The following ITSN1 variants were observed in gnomAD, a reference collection of about 807,000 sequenced individuals.
The protein encoded by ITSN1 is intersectin-1.
Under a neutral mutation model 239.8 loss-of-function variants are expected in ITSN1, and 58 were observed. The ratio of observed to expected loss-of-function variants is 0.24; its 90% CI spans 0.20 to 0.30. The LOEUF (loss-of-function observed/expected upper bound fraction) is 0.30, where lower values mean the gene tolerates loss of function less well. ITSN1 is among the 10% of genes least tolerant of loss of function. The pLI, the probability that ITSN1 is intolerant of heterozygous loss-of-function variation, is 1.00. For synonymous variants in ITSN1, 780 were observed against 770.8 expected, an observed-to-expected ratio of 1.01 and a Z score of -0.20; for missense variants, 1,558 against 2,103.3, an observed-to-expected ratio of 0.74 and a Z score of 5.07.
intron 5 of ITSN1, among the ~76,000 whole-genome samples, chr21:33,742,139 C>T (rs1465430794): frequency 6.6e-6 from 1 of 151,390 alleles, no homozygotes. Flanking sequence ...TCACTGCAAC[C>T]TCCGCTTCCT....
At chr21:33,684,998 G>A (rs1243928233) in intron 1 of ITSN1, among the ~76,000 whole-genome samples, 6 of 152,270 alleles carry the variant, frequency 3.9e-5, no homozygotes, top group African/African-American at 1.2e-4. Flanking sequence ...AGAAAGGAGA[G>A]TAGTATCATT....
chr21:33,862,616 C>T (rs767775130), intron 31 of ITSN1, among the ~76,000 whole-genome samples: 12 of 152,060 alleles, frequency 7.9e-5, no homozygotes, highest in Admixed American at 5.2e-4. Context: ...AGGGCAGCCG[C>T]GTCTGGGAAG....
chr21:33,710,132 G>A (rs900153591), intron 1 of ITSN1, among the ~76,000 whole-genome samples: 3 of 148,146 alleles, frequency 2.0e-5, no homozygotes, highest in Non-Finnish European at 4.4e-5. Flanking sequence ...GGGCTGGAGT[G>A]CAGTGGCATG....
Position 33,795,347 on chromosome 21 carries a change from G to A in ITSN1, c.1952+879G>A, listed in dbSNP as rs533262067. On this transcript the variant is annotated intron_variant, in intron 17 of 39. Coordinates refer to ENST00000381318, the MANE Select transcript of ITSN1 (RefSeq NM_003024.3). ...GCCTGTAGTCCCAGCTACTTGGGAG[G>A]CTGAGGCAGGAGGATCACTTGAACC... 1.2e-4 allele frequency among the ~76,000 whole-genome samples: 18 copies of A among 152,292 alleles called. No individual in the cohort carries two copies. The South Asian group carries it at 3.7e-3, about 32-fold the overall frequency.
intron 20 of ITSN1, among the ~76,000 whole-genome samples, chr21:33,807,430 C>T (rs747090883): frequency 1.3e-5 from 2 of 152,176 alleles, no homozygotes; most frequent in Non-Finnish European, 1.5e-5. Context: ...CTCCGCCTCC[C>T]GGGTTCAAGC....
At chr21:33,811,276 T>C in intron 21 of ITSN1, 54 bp downstream of exon 21, 2 of 1,499,642 alleles carry the variant, frequency 1.3e-6, no homozygotes, top group East Asian at 2.3e-5. Flanking sequence ...TTTGATCATT[T>C]CCCCCCCACC....
chr21:33,757,106 T>A lies in ITSN1; in HGVS notation c.724+1709T>A, dbSNP rs546808650. ...TAATAGCATATTTTTAAGTACTGTTTTACATGGTTTGTTTGACACCAGTGC... is the reference window on the plus strand; with the variant it reads ...TAATAGCATATTTTTAAGTACTGTTATACATGGTTTGTTTGACACCAGTGC... On this transcript the variant is annotated intron_variant, in intron 8 of 39. Coordinates refer to ENST00000381318, the MANE Select transcript of ITSN1 (RefSeq NM_003024.3). 3 of 152,336 alleles carry A rather than the reference T, an allele frequency of 2.0e-5. No homozygotes were observed. In the South Asian group the frequency reaches 6.2e-4, roughly 32 times the overall value. The allele number at this position is 152,336 out of a possible 1,614,324, so 9.4% of individuals were successfully genotyped here. A position where few individuals can be genotyped will look rare whatever the true frequency, so the allele number is the denominator to read the frequency against.
At chr21:33,867,186 T>C (rs1434765201) in intron 32 of ITSN1, 47 bp from the exon 33 acceptor site, 13 of 1,104,562 alleles carry the variant, frequency 1.2e-5, no homozygotes, top group Non-Finnish European at 1.8e-5. Flanking sequence ...TCACTAACTT[T>C]GGATTTTGCA....
At chr21:33,802,575 G>C (rs879190385) in intron 20 of ITSN1, 131 bp downstream of exon 20, 1 of 830,858 alleles carries the variant, frequency 1.2e-6, no homozygotes, top group African/African-American at 1.7e-5. Flanking sequence ...TTGAGTCTGT[G>C]TAGTAGGTTG....
In ITSN1 at chr21:33,889,600, G is replaced by A. The variant is rs978349040; in HGVS notation, c.*1300G>A. On this transcript the variant is annotated 3_prime_UTR_variant, in exon 40 of 40. Transcript: ENST00000381318. ...CTTGATTTGCTAATGAAAAGTGGGG[G>A]CCGTGTTTTGTTTGCATGTTAATAT... 1 of 152,128 alleles carries A rather than the reference G, an allele frequency of 6.6e-6. No individual in the cohort carries two copies. Among genetic ancestry groups the A allele is most frequent in the Non-Finnish European group, 1.5e-5 (1 of 68,022 alleles). The allele number at this position is 152,128 out of a possible 1,614,324, so 9.4% of individuals were successfully genotyped here.
At chr21:33,763,507 C>T (rs535436458) in intron 9 of ITSN1, among the ~76,000 whole-genome samples, 34 of 152,268 alleles carry the variant, frequency 2.2e-4, no homozygotes, top group Admixed American at 1.0e-3. Context: ...ATGCTAGATG[C>T]CAGTAGCATG....
intron 1 of ITSN1, among the ~76,000 whole-genome samples, chr21:33,688,408 A>C (rs1364779020): frequency 2.0e-5 from 3 of 152,218 alleles, no homozygotes; most frequent in African/African-American, 7.2e-5. Flanking sequence ...GTTTATGTGG[A>C]TGAGGACTAA....
At position 33,722,681 on chromosome 21, in the gene ITSN1, A is replaced by C. The variant is rs745906380; in HGVS notation, c.185+30A>C. 4.5e-6 allele frequency: 7 copies of C among 1,547,064 alleles called. No individual in the cohort carries two copies. In the African/African-American group the frequency reaches 9.8e-5, roughly 22 times the overall value. On this transcript the variant is annotated intron_variant, in intron 4 of 39. Transcript: ENST00000381318. ...GTTGGAATTTTACATGAAATTTTAC[A>C]TAAGCATAAGGCAAAATAAAATATC...
intron 29 of ITSN1, among the ~76,000 whole-genome samples, chr21:33,855,194 C>T (rs1979088560): frequency 6.6e-6 from 1 of 152,224 alleles, no homozygotes; most frequent in African/African-American, 2.4e-5. Context: ...TAGGCCAGAG[C>T]AGGCTTCTTG....
chr21:33,816,815 C>A (rs1378443457), intron 22 of ITSN1, among the ~76,000 whole-genome samples: 1 of 152,138 alleles, frequency 6.6e-6, no homozygotes, highest in African/African-American at 2.4e-5. Flanking sequence ...AATATACAAT[C>A]TTAGGGGTGT....
At chr21:33,762,125 G>T in intron 9 of ITSN1, 139 bp downstream of exon 9, 1 of 678,066 alleles carries the variant, frequency 1.5e-6, no homozygotes, top group Non-Finnish European at 2.7e-6. Flanking sequence ...TGTAATGATT[G>T]CCTCTTTTAT....
At chr21:33,691,490 C>T (rs1380387757) in intron 1 of ITSN1, among the ~76,000 whole-genome samples, 2 of 152,116 alleles carry the variant, frequency 1.3e-5, no homozygotes, top group Non-Finnish European at 2.9e-5. Context: ...AGATCCAGCT[C>T]AATTCTGAAT....
chr21:33,643,147 G>T (rs2087575019), intron 1 of ITSN1, among the ~76,000 whole-genome samples: 1 of 151,620 alleles, frequency 6.6e-6, no homozygotes, highest in Non-Finnish European at 1.5e-5. Context: ...GGCCTCCCGG[G>T]GACCCGCGTT....
At chr21:33,837,664 A>G in intron 29 of ITSN1, 1 of 985,900 alleles carries the variant, frequency 1.0e-6, no homozygotes, top group Non-Finnish European at 1.2e-6. Context: ...TACATCCTGT[A>G]CATAAGAAAT....
Sources: allele counts gnomAD v4.1 joint callset (sites outside exome capture counted in the v4.1 genomes callset), GRCh38; gene constraint gnomAD v4.1.1; transcripts MANE v1.5; gene names NCBI Gene and HGNC (gene_info 2026-07-23, HGNC 2026-07-21).